GZMB: variants seen among roughly 807,000 people sequenced by gnomAD.
The protein encoded by GZMB is T-cell serine protease 1-3E.
A neutral mutation model predicts 24.2 loss-of-function variants in GZMB; 27 were observed. The ratio of observed to expected loss-of-function variants is 1.12; its 90% CI spans 0.82 to 1.54. The LOEUF is 1.54. Among genes scored for constraint, GZMB ranks in the 40% most tolerant of loss-of-function variants. GZMB has a pLI of 0.00. For synonymous variants in GZMB, 121 were observed against 115.1 expected, an observed-to-expected ratio of 1.05 and a Z score of -0.33; for missense variants, 336 against 310.1, an observed-to-expected ratio of 1.08 and a Z score of -0.63.
chr14:24,634,044 G>A (rs188074348), intron 1 of GZMB, 62 bp downstream of exon 1: 2 of 1,386,746 alleles, frequency 1.4e-6, no homozygotes, highest in East Asian at 4.7e-5. Flanking sequence ...CAGGAATGTG[G>A]AGAAAGGGCA....
At chr14:24,631,482 G>C in intron 4 of GZMB, 1 of 551,764 alleles carries the variant, frequency 1.8e-6, no homozygotes, top group Non-Finnish European at 3.2e-6. Context: ...TAAGGACCCA[G>C]AAGTGGGCAA....
rs1004591533 is a variant in GZMB, at chr14:24,633,258, A to G, written c.56-196T>C. 3 of 984,840 alleles carry G rather than the reference A, an allele frequency of 3.0e-6. No homozygotes were observed. The African/African-American group carries it at 5.2e-5, about 17-fold the overall frequency. The allele number at this position is 984,840 out of a possible 1,614,324, so 61.0% of individuals were successfully genotyped here. A position where few individuals can be genotyped will look rare whatever the true frequency, so the allele number is the denominator to read the frequency against. ...ACTTTGGTCTGTAAATCTTTCTTCC[A>G]TATGTAGTTGAAGGCGAGCATACCT... On this transcript the variant is annotated intron_variant, in intron 1 of 4. Coordinates refer to ENST00000216341, the MANE Select transcript of GZMB (RefSeq NM_004131.6).
chr14:24,632,839 G>A, intron 2 of GZMB, 76 bp downstream of exon 2: 2 of 1,414,010 alleles, frequency 1.4e-6, no homozygotes, highest in South Asian at 1.2e-5. Flanking sequence ...CAGGAGCCCA[G>A]GGAGCTCCTT....
intron 4 of GZMB, 127 bp from the exon 5 acceptor site, chr14:24,631,341 A>T: frequency 1.3e-6 from 1 of 760,274 alleles, no homozygotes; most frequent in Non-Finnish European, 2.1e-6. Flanking sequence ...AGGGCAGGGC[A>T]GGCCGCTGGT....
At chr14:24,631,334 G>C in intron 4 of GZMB, 120 bp from the exon 5 acceptor site, 4 of 801,592 alleles carry the variant, frequency 5.0e-6, no homozygotes, top group Non-Finnish European at 7.8e-6. Context: ...AGACCAGAGG[G>C]CAGGGCAGGC....
chr14:24,634,068 A>T, intron 1 of GZMB, 38 bp downstream of exon 1: 1 of 1,555,018 alleles, frequency 6.4e-7, no homozygotes, highest in Non-Finnish European at 8.8e-7. Flanking sequence ...GACCTGTGGG[A>T]TGGGGTTGGG....
chr14:24,631,858 C>T lies in GZMB; in HGVS notation c.600G>A (p.Lys200=). ...AATCCAGGCAGGTGCATAGTCTTAC[C>T]TTAAAGGAAGTCTTTTTAATCTCTG... ...GDPEIKKTSF[K]GDSGGPLVCN... Residue 200 remains lysine (K), a splice_region_variant and synonymous_variant, in exon 4 of 5, where the codon AAG becomes AAA. Coordinates refer to ENST00000216341, the MANE Select transcript of GZMB (RefSeq NM_004131.6). 6.2e-7 allele frequency: 1 copy of T among 1,613,764 alleles called. No homozygotes were observed. Among genetic ancestry groups the T allele is most frequent in the Non-Finnish European group, 8.5e-7 (1 of 1,179,620 alleles).
In GZMB at chr14:24,631,134, T is replaced by G; in HGVS notation, c.681A>C (p.Pro227=). Residue 227 remains proline (P), a synonymous_variant, in exon 5 of 5, where the codon CCA becomes CCC. Coordinates refer to ENST00000216341, the MANE Select transcript of GZMB (RefSeq NM_004131.6). Reference sequence around the variant, plus strand: ...AGCTTGAGACTTTGGTGCAGGCTCGTGGAGGCATGCCATTGTTTCGTCCAT... The same window carrying G: ...AGCTTGAGACTTTGGTGCAGGCTCGGGGAGGCATGCCATTGTTTCGTCCAT... ...VSYGRNNGMP[P]RACTKVSSFV... 1 of 1,612,754 alleles carries G rather than the reference T, an allele frequency of 6.2e-7. No homozygotes were observed. Among genetic ancestry groups the G allele is most frequent in the African/African-American group, 1.3e-5 (1 of 75,026 alleles).
At position 24,632,132 on chromosome 14, in the gene GZMB, G is replaced by A. The variant is rs374757875; in HGVS notation, c.340-14C>T. On this transcript the variant is annotated splice_polypyrimidine_tract_variant and intron_variant, in intron 3 of 4. Coordinates refer to ENST00000216341, the MANE Select transcript of GZMB (RefSeq NM_004131.6). ...CTTTCTCTCCAGCTGGTGGGGAAGA[G>A]GCAAGAAAGTCCAGGTCAGCCAACG... is the stretch of plus-strand genomic sequence containing the variant. The A allele has an allele frequency of 1.1e-5, 17 of 1,612,132 alleles. No individual in the cohort carries two copies. Among genetic ancestry groups the A allele is most frequent in the African/African-American group, 1.3e-5 (1 of 74,794 alleles).
chr14:24,634,147 A>C lies in GZMB; in HGVS notation c.14T>G (p.Leu5Arg). 2.5e-6 allele frequency: 4 copies of C among 1,593,488 alleles called. No individual in the cohort carries two copies. The highest frequency in any genetic ancestry group is 3.4e-6 in the Non-Finnish European group (4 of 1,171,130). Residue 5 changes from leucine (L) to arginine (R), a missense_variant, in exon 1 of 5, where the codon CTG becomes CGG. Transcript: ENST00000216341. Reference protein sequence around the residue: MQPILLLLAFLLLPR... With the variant: MQPIRLLLAFLLLPR... ...CAGCAGGAGGAAGGCCAGCAGAAGC[A>C]GGATTGGTTGCATCTTCTCAGGAAG... is the stretch of plus-strand genomic sequence containing the variant.
chr14:24,632,966 C>A lies in GZMB; in HGVS notation c.152G>T (p.Gly51Val). 6.2e-7 allele frequency: 1 copy of A among 1,613,892 alleles called. No homozygotes were observed. The highest frequency in any genetic ancestry group is 1.7e-4 in the Middle Eastern group (1 of 6,058). The change falls in exon 2 of 5, where the codon GGC (glycine) becomes GTC (valine). Residue 51 changes from glycine (G) to valine (V), a missense_variant. Physicochemically the swap from Gly to Val is moderately radical, Grantham distance 109 (BLOSUM62 -3). Transcript: ENST00000216341. The stretch of plus-strand genomic sequence containing the variant: ...CACGAAGTCGTCTCGTATCAGGAAG[C>A]CACCGCACCTCTTCAGAGACTTCTG... Reference protein sequence around the residue: ...WDQKSLKRCGGFLIRDDFVLT... With the variant: ...WDQKSLKRCGVFLIRDDFVLT...
At chr14:24,632,644 C>T (rs900252345) in intron 2 of GZMB, 185 bp from the exon 3 acceptor site, 3 of 970,484 alleles carry the variant, frequency 3.1e-6, no homozygotes, top group African/African-American at 1.6e-5. Context: ...CCCCTAGAAA[C>T]ACAGGTGGAA....
chr14:24,632,633 C>T lies in GZMB; in HGVS notation c.204-174G>A, dbSNP rs1594828606. ...GCACCAGGTTTCTCAGGGTTCGGTT[C>T]CCCCTAGAAACACAGGTGGAATTGC... is the stretch of plus-strand genomic sequence containing the variant. On this transcript the variant is annotated intron_variant, in intron 2 of 4. Coordinates refer to ENST00000216341, the MANE Select transcript of GZMB (RefSeq NM_004131.6). The T allele has an allele frequency of 2.1e-5, 22 of 1,067,212 alleles. No individual in the cohort carries two copies. In the East Asian group the frequency reaches 5.6e-4, roughly 27 times the overall value. 66.1% of individuals were successfully genotyped at this position (1,067,212 alleles called of 1,614,324 possible).
At chr14:24,634,038 A>T (rs1053955221) in intron 1 of GZMB, 68 bp downstream of exon 1, 2 of 1,310,054 alleles carry the variant, frequency 1.5e-6, no homozygotes, top group Non-Finnish European at 1.1e-6. Flanking sequence ...ATGGATCAGG[A>T]ATGTGGAGAA....
rs1344186261 is a variant in GZMB, at chr14:24,632,125, G to A, written c.340-7C>T. 2 of 1,612,820 alleles carry A rather than the reference G, an allele frequency of 1.2e-6. No homozygotes were observed. The highest frequency in any genetic ancestry group is 1.7e-6 in the Non-Finnish European group (2 of 1,179,204). ...GCTTGGCCTTTCTCTCCAGCTGGTG[G>A]GGAAGAGGCAAGAAAGTCCAGGTCA... On this transcript the variant is annotated splice_polypyrimidine_tract_variant and splice_region_variant and intron_variant, in intron 3 of 4. Transcript: ENST00000216341.
intron 1 of GZMB, among the ~76,000 whole-genome samples, chr14:24,633,529 A>T (rs1388804684): frequency 6.6e-6 from 1 of 152,094 alleles, no homozygotes; most frequent in African/African-American, 2.4e-5. Context: ...TAGCCTCTGG[A>T]TGAGGGCTGG....
intron 1 of GZMB, 102 bp downstream of exon 1, chr14:24,634,004 G>C (rs1422218861): frequency 9.5e-7 from 1 of 1,058,092 alleles, no homozygotes; most frequent in Admixed American, 2.0e-5. Context: ...GGGAGCTGGA[G>C]TTCAGAACAT....
chr14:24,631,138 G>C lies in GZMB; in HGVS notation c.677C>G (p.Pro226Arg), dbSNP rs773843209. ...IVSYGRNNGM[P>R]PRACTKVSSF... ...TGAGACTTTGGTGCAGGCTCGTGGAGGCATGCCATTGTTTCGTCCATAGGA... is the reference window on the plus strand; with the variant it reads ...TGAGACTTTGGTGCAGGCTCGTGGACGCATGCCATTGTTTCGTCCATAGGA... Residue 226 changes from proline to arginine, a missense_variant, in exon 5 of 5, where the codon CCT becomes CGT. Transcript: ENST00000216341. 6.2e-7 allele frequency: 1 copy of C among 1,612,142 alleles called. No individual in the cohort carries two copies. Among genetic ancestry groups the C allele is most frequent in the East Asian group, 2.2e-5 (1 of 44,874 alleles).
chr14:24,634,144 A>G lies in GZMB; in HGVS notation c.17T>C (p.Leu6Pro), dbSNP rs566624358. 2.5e-6 allele frequency: 4 copies of G among 1,594,120 alleles called. No homozygotes were observed. In the African/African-American group the frequency reaches 4.0e-5, roughly 16 times the overall value. Residue 6 changes from leucine (L) to proline (P), a missense_variant, in exon 1 of 5, where the codon CTT becomes CCT. Transcript: ENST00000216341. The part of the protein sequence containing the change: MQPIL[L>P]LLAFLLLPRA... Reference sequence around the variant, plus strand: ...GGGCAGCAGGAGGAAGGCCAGCAGAAGCAGGATTGGTTGCATCTTCTCAGG... The same window carrying G: ...GGGCAGCAGGAGGAAGGCCAGCAGAGGCAGGATTGGTTGCATCTTCTCAGG...
Sources: allele counts gnomAD v4.1 joint callset (sites outside exome capture counted in the v4.1 genomes callset), GRCh38; gene constraint gnomAD v4.1.1; transcripts MANE v1.5; gene names NCBI Gene and HGNC (gene_info 2026-07-23, HGNC 2026-07-21).